The following LANCL2 variants were observed in gnomAD, a reference collection of about 807,000 sequenced individuals.
LANCL2 encodes lanC-like protein 2.
Under a neutral mutation model 56.9 loss-of-function variants are expected in LANCL2, and 33 were observed. That is an observed-to-expected ratio of 0.58 (90% CI 0.44 to 0.78). LANCL2 has a LOEUF of 0.78. Among genes scored for constraint, LANCL2 ranks in the 30% least tolerant of loss-of-function variants. LANCL2 has a pLI of 0.00. For synonymous variants in LANCL2, 233 were observed against 228.2 expected (o/e 1.02, Z -0.19); for missense variants, 562 against 580.2 (o/e 0.97, Z 0.32).
intron 1 of LANCL2, among the ~76,000 whole-genome samples, chr7:55,388,197 AC>A (rs1174304722): frequency 1.2e-4 from 19 of 152,156 alleles, no homozygotes; most frequent in Non-Finnish European, 2.6e-4. Flanking sequence ...GATGTTAGAG[AC>A]TTTTTCTCTT....
chr7:55,413,548 C>A (rs888396271), intron 6 of LANCL2, among the ~76,000 whole-genome samples: 4 of 152,224 alleles, frequency 2.6e-5, no homozygotes, highest in African/African-American at 9.6e-5. Context: ...GACCCTTCCT[C>A]CTGGGCAGTT....
chr7:55,401,998 C>A (rs1246647981), intron 5 of LANCL2, among the ~76,000 whole-genome samples: 1 of 133,388 alleles, frequency 7.5e-6, no homozygotes, highest in East Asian at 2.3e-4. Context: ...ACCTTTCCCC[C>A]CTTTCTATTC....
intron 5 of LANCL2, among the ~76,000 whole-genome samples, chr7:55,404,126 T>C (rs11524164): frequency 0.35 from 53,239 of 151,988 alleles, 9,819 homozygotes; most frequent in African/African-American, 0.43. Flanking sequence ...AGAGACCCCA[T>C]AACTAAACAT....
intron 8 of LANCL2, among the ~76,000 whole-genome samples, chr7:55,430,804 G>A (rs1283642170): frequency 1.3e-5 from 2 of 152,130 alleles, no homozygotes; most frequent in African/African-American, 4.8e-5. Flanking sequence ...GATTTGGGGT[G>A]GGGATTTTGA....
At chr7:55,409,663 A>G (rs1367642852) in intron 5 of LANCL2, among the ~76,000 whole-genome samples, 1 of 152,218 alleles carries the variant, frequency 6.6e-6, no homozygotes, top group Non-Finnish European at 1.5e-5. Context: ...CCAGGACAGC[A>G]GTGTCACAGA....
At chr7:55,384,433 T>C (rs1319923515) in intron 1 of LANCL2, among the ~76,000 whole-genome samples, 1 of 152,050 alleles carries the variant, frequency 6.6e-6, no homozygotes, top group Non-Finnish European at 1.5e-5. Context: ...GCACCTGTAG[T>C]CCCAGCTACT....
chr7:55,365,758 G>A lies in LANCL2; in HGVS notation c.-268G>A, dbSNP rs961974193. 14 of 343,218 alleles carry A rather than the reference G, an allele frequency of 4.1e-5. No homozygotes were observed. The highest frequency in any genetic ancestry group is 5.8e-5 in the Non-Finnish European group (11 of 189,958). The allele number at this position is 343,218 out of a possible 1,614,324, so 21.3% of individuals were successfully genotyped here. A position where few individuals can be genotyped will look rare whatever the true frequency, so the allele number is the denominator to read the frequency against. ...GCTGTGAGCCGCTGGGCGCTCCCGC[G>A]AGCCCGCTCCTCTCCGTCGGGAGCA... is the stretch of plus-strand genomic sequence containing the variant. On this transcript the variant is annotated 5_prime_UTR_variant, in exon 1 of 9. Coordinates refer to ENST00000254770, the MANE Select transcript of LANCL2 (RefSeq NM_018697.4).
At chr7:55,415,860 C>T (rs1790530583) in intron 6 of LANCL2, among the ~76,000 whole-genome samples, 1 of 152,060 alleles carries the variant, frequency 6.6e-6, no homozygotes, top group Non-Finnish European at 1.5e-5. Flanking sequence ...GGTGATCTGC[C>T]TGCCTTGGCC....
intron 1 of LANCL2, among the ~76,000 whole-genome samples, chr7:55,367,271 A>C (rs1789885784): frequency 6.6e-6 from 1 of 152,100 alleles, no homozygotes; most frequent in Non-Finnish European, 1.5e-5. Flanking sequence ...TTCTTTTTCC[A>C]CTGAGGTACG....
At chr7:55,423,727 T>C (rs989583837) in intron 6 of LANCL2, among the ~76,000 whole-genome samples, 3 of 152,206 alleles carry the variant, frequency 2.0e-5, no homozygotes, top group African/African-American at 7.2e-5. Flanking sequence ...GTCATCCCTT[T>C]ATAGTTGAGA....
At position 55,381,893 on chromosome 7, in the gene LANCL2, C is replaced by A. The variant is rs367622734; in HGVS notation, c.205-9900C>A. Among the ~76,000 whole-genome samples, 28 of 152,292 alleles carry A rather than the reference C, an allele frequency of 1.8e-4. No individual in the cohort carries two copies. The East Asian group carries it at 3.7e-3, about 20-fold the overall frequency. ...GTCTGGGATGCAAATCATAGAATGG[C>A]AAACAAATGAGGTTTGTGATGTAGA... On this transcript the variant is annotated intron_variant, in intron 1 of 8. Transcript: ENST00000254770.
intron 1 of LANCL2, among the ~76,000 whole-genome samples, chr7:55,376,718 T>G (rs1028989612): frequency 6.6e-6 from 1 of 152,254 alleles, no homozygotes; most frequent in Non-Finnish European, 1.5e-5. Flanking sequence ...GTATACCATA[T>G]TTGATATTGC....
intron 6 of LANCL2, among the ~76,000 whole-genome samples, chr7:55,424,220 A>G (rs1195435790): frequency 6.6e-6 from 1 of 152,162 alleles, no homozygotes; most frequent in East Asian, 1.9e-4. Flanking sequence ...CTGTGAGGAG[A>G]AAGAAGAAAA....
At chr7:55,409,112 G>A (rs112061422) in intron 5 of LANCL2, among the ~76,000 whole-genome samples, 10,893 of 148,672 alleles carry the variant, frequency 0.073, 1,301 homozygotes, top group African/African-American at 0.25. Context: ...TTTTTGAGAC[G>A]GAGTCTTGCT....
chr7:55,388,581 A>C (rs1458862511), intron 1 of LANCL2, among the ~76,000 whole-genome samples: 2 of 152,160 alleles, frequency 1.3e-5, no homozygotes, highest in Non-Finnish European at 2.9e-5. Flanking sequence ...GCTTTACAGG[A>C]GGACTTGTGA....
chr7:55,391,537 T>G (rs2128992814), intron 1 of LANCL2, among the ~76,000 whole-genome samples: 1 of 152,248 alleles, frequency 6.6e-6, no homozygotes, highest in South Asian at 2.1e-4. Flanking sequence ...CCTTTTTTTT[T>G]TAATTCTTTG....
Position 55,412,099 on chromosome 7 carries a change from TC to T in LANCL2, c.1008+12del, listed in dbSNP as rs765018515. Reference sequence around the variant, plus strand: ...CATGCAGGCGTACAAGGTCAGTGCTTCCGCCGTCACGGCCGTCCCCTGTGTG... The same window carrying T: ...CATGCAGGCGTACAAGGTCAGTGCTTCGCCGTCACGGCCGTCCCCTGTGTG... On this transcript the variant is annotated intron_variant, in intron 6 of 8. Coordinates refer to ENST00000254770, the MANE Select transcript of LANCL2 (RefSeq NM_018697.4). 69 of 1,606,678 alleles carry T rather than the reference TC, an allele frequency of 4.3e-5. No homozygotes were observed. The South Asian group carries it at 7.5e-4, about 18-fold the overall frequency.
At chr7:55,404,540 T>C (rs905752079) in intron 5 of LANCL2, among the ~76,000 whole-genome samples, 2 of 152,210 alleles carry the variant, frequency 1.3e-5, no homozygotes, top group African/African-American at 4.8e-5. Flanking sequence ...TTTCTAGTTA[T>C]TGTCTTTGTT....
At chr7:55,366,780 C>G (rs762640505) in intron 1 of LANCL2, among the ~76,000 whole-genome samples, 1 of 152,188 alleles carries the variant, frequency 6.6e-6, no homozygotes, top group Non-Finnish European at 1.5e-5. Context: ...AGATTAACAA[C>G]AGAAAAACAT....
Sources: gnomAD v4.1 joint callset for allele counts (sites outside exome capture counted in the v4.1 genomes callset) on GRCh38, gnomAD v4.1.1 for gene constraint, MANE v1.5 for transcripts, NCBI Gene and HGNC (gene_info 2026-07-23, HGNC 2026-07-21) for gene names.